The following NCOA7 variants were observed in gnomAD, a reference collection of about 807,000 sequenced individuals.
The protein encoded by NCOA7 is nuclear receptor coactivator 7, also known as 140 kDa estrogen receptor-associated protein.
Under a neutral mutation model 104.3 loss-of-function variants are expected in NCOA7, and 45 were observed. The ratio of observed to expected loss-of-function variants is 0.43; its 90% CI spans 0.34 to 0.55. The LOEUF (loss-of-function observed/expected upper bound fraction) is 0.55. Ranked by LOEUF, NCOA7 falls within the 20% of genes least tolerant of loss-of-function variation. NCOA7 has a pLI of 0.02. For missense variants in NCOA7, 1,041 were observed against 1,119.7 expected, an observed-to-expected ratio of 0.93 and a Z score of 1.00; for synonymous variants, 398 against 402.3, an observed-to-expected ratio of 0.99 and a Z score of 0.13.
chr6:125,827,113 G>A (rs973871547), intron 2 of NCOA7, among the ~76,000 whole-genome samples: 47 of 150,224 alleles, frequency 3.1e-4, no homozygotes, highest in Non-Finnish European at 6.5e-4. Flanking sequence ...TGTGAACCCC[G>A]GAGGCAGAGG....
chr6:125,803,455 G>C (rs1776109702), intron 1 of NCOA7, among the ~76,000 whole-genome samples: 1 of 152,156 alleles, frequency 6.6e-6, no homozygotes, highest in South Asian at 2.1e-4. Context: ...AGTGCTTACT[G>C]AATTGAAGAA....
intron 10 of NCOA7, among the ~76,000 whole-genome samples, chr6:125,896,026 T>A (rs1051532939): frequency 2.7e-5 from 4 of 148,096 alleles, no homozygotes; most frequent in African/African-American, 9.8e-5. Flanking sequence ...ATATATATAT[T>A]ATATAATACA....
intron 13 of NCOA7, among the ~76,000 whole-genome samples, chr6:125,926,731 T>C (rs528205955): frequency 8.5e-5 from 13 of 152,300 alleles, no homozygotes; most frequent in African/African-American, 3.1e-4. Context: ...CACACAGAGA[T>C]TGTGATCTAA....
At chr6:125,899,279 G>A (rs1428735254) in intron 10 of NCOA7, among the ~76,000 whole-genome samples, 6 of 152,172 alleles carry the variant, frequency 3.9e-5, no homozygotes, top group Admixed American at 1.3e-4. Context: ...AACTGACCTA[G>A]TTTTCTAGCA....
chr6:125,839,965 T>TAA, intron 2 of NCOA7, among the ~76,000 whole-genome samples: 1 of 145,872 alleles, frequency 6.9e-6, no homozygotes, highest in South Asian at 2.2e-4. Context: ...TTCTGATTAT[T>TAA]AAAAAAAAAA....
rs1300700527 is a variant in NCOA7, at chr6:125,874,979, C to T, written c.351+11C>T. The T allele has an allele frequency of 1.3e-6, 2 of 1,596,212 alleles. No homozygotes were observed. The highest frequency in any genetic ancestry group is 1.1e-5 in the South Asian group (1 of 90,560). ...ACTATGGAATACACTGTGAGTATAA[C>T]CAAGGTGGTATAAATGTTTGTTAAT... On this transcript the variant is annotated intron_variant, in intron 4 of 15. Coordinates refer to ENST00000392477, the MANE Select transcript of NCOA7 (RefSeq NM_181782.5).
intron 10 of NCOA7, among the ~76,000 whole-genome samples, chr6:125,895,516 A>AT (rs1301556835): frequency 6.6e-6 from 1 of 152,164 alleles, no homozygotes; most frequent in Non-Finnish European, 1.5e-5. Flanking sequence ...TCCTGTGTAC[A>AT]TTTTCCACAT....
chr6:125,841,337 T>C (rs533196500), intron 2 of NCOA7, among the ~76,000 whole-genome samples: 2 of 152,272 alleles, frequency 1.3e-5, no homozygotes, highest in East Asian at 3.9e-4. Context: ...CATAGGCTAT[T>C]CTATGTGGGT....
At chr6:125,848,697 T>G (rs1483190152) in intron 2 of NCOA7, among the ~76,000 whole-genome samples, 1 of 152,000 alleles carries the variant, frequency 6.6e-6, no homozygotes, top group Non-Finnish European at 1.5e-5. Flanking sequence ...ATACCTAATG[T>G]AAATGACGAG....
rs371438843 is a variant in NCOA7, at chr6:125,915,508, C to T, written c.2244+28C>T. 14 of 1,612,696 alleles carry T rather than the reference C, an allele frequency of 8.7e-6. No individual in the cohort carries two copies. The African/African-American group carries it at 1.1e-4, about 12-fold the overall frequency. ...GAGCACTTGGGCAGGGTTAGACCGT[C>T]GTAGTTCCTAAGGTACAGTAAGCAG... On this transcript the variant is annotated intron_variant, in intron 11 of 15. Transcript: ENST00000392477.
chr6:125,842,237 A>G (rs1780238497), intron 2 of NCOA7, among the ~76,000 whole-genome samples: 1 of 152,140 alleles, frequency 6.6e-6, no homozygotes, highest in Non-Finnish European at 1.5e-5. Flanking sequence ...ATTTCCCTCA[A>G]TATTTCTACA....
chr6:125,853,566 A>G (rs1781303031), intron 2 of NCOA7, among the ~76,000 whole-genome samples: 1 of 152,182 alleles, frequency 6.6e-6, no homozygotes, highest in Non-Finnish European at 1.5e-5. Flanking sequence ...ATATCTAAGA[A>G]CCTGGCTGCT....
At chr6:125,823,178 C>T (rs560042313) in intron 2 of NCOA7, among the ~76,000 whole-genome samples, 9 of 152,216 alleles carry the variant, frequency 5.9e-5, no homozygotes, top group South Asian at 2.1e-4. Context: ...TCAATCCCCC[C>T]GCAAATGGAC....
intron 10 of NCOA7, among the ~76,000 whole-genome samples, chr6:125,910,053 G>T (rs1786383636): frequency 6.6e-6 from 1 of 152,148 alleles, no homozygotes; most frequent in Non-Finnish European, 1.5e-5. Context: ...CATTTTTGTG[G>T]CTGGATAATG....
intron 12 of NCOA7, among the ~76,000 whole-genome samples, chr6:125,922,444 A>G (rs144469928): frequency 1.3e-5 from 2 of 152,232 alleles, no homozygotes; most frequent in African/African-American, 4.8e-5. Flanking sequence ...CAGGATAGGG[A>G]CTCCATAGTC....
At chr6:125,831,789 T>C (rs1779204787) in intron 2 of NCOA7, among the ~76,000 whole-genome samples, 1 of 152,232 alleles carries the variant, frequency 6.6e-6, no homozygotes, top group African/African-American at 2.4e-5. Context: ...AGTTTTCCTT[T>C]GCATTGTTTA....
upstream of NCOA7, among the ~76,000 whole-genome samples, chr6:125,787,125 G>GAA (rs78334930): frequency 1.6e-4 from 19 of 118,798 alleles, no homozygotes; most frequent in South Asian, 2.8e-4. Flanking sequence ...CTGTCTGGAA[G>GAA]AAAAAAAAAA....
At chr6:125,835,081 T>A (rs1004907657) in intron 2 of NCOA7, among the ~76,000 whole-genome samples, 3 of 152,366 alleles carry the variant, frequency 2.0e-5, no homozygotes, top group South Asian at 2.1e-4. Context: ...ATAAAAGTTC[T>A]TTTCTTTTCT....
chr6:125,887,153 A>G (rs1386903043), intron 8 of NCOA7, among the ~76,000 whole-genome samples: 2 of 152,254 alleles, frequency 1.3e-5, no homozygotes, highest in Non-Finnish European at 2.9e-5. Context: ...AGACAAGGTA[A>G]TCTAGAAAGC....
Sources: allele counts gnomAD v4.1 joint callset (sites outside exome capture counted in the v4.1 genomes callset), GRCh38; gene constraint gnomAD v4.1.1; transcripts MANE v1.5; gene names NCBI Gene and HGNC (gene_info 2026-07-23, HGNC 2026-07-21).